The following CYP2C18 variants were observed in gnomAD, a reference collection of about 807,000 sequenced individuals.
CYP2C18 encodes the protein cytochrome P450 2C18.
A neutral mutation model predicts 41.3 loss-of-function variants in CYP2C18; 38 were observed. The observed-to-expected ratio is 0.92, with a 90% CI of 0.71 to 1.21. The LOEUF is 1.21. CYP2C18 is among the 50% of genes most tolerant of loss of function. The probability of loss-of-function intolerance (pLI) is 0.00; values close to 1 mark genes in which losing one functional copy is unlikely to be tolerated. For missense variants in CYP2C18, 635 were observed against 591.4 expected (o/e 1.07, Z -0.77); for synonymous variants, 236 against 210.0 (o/e 1.12, Z -1.07).
At chr10:94,703,349 C>T (rs983761853) in intron 4 of CYP2C18, among the ~76,000 whole-genome samples, 2 of 152,216 alleles carry the variant, frequency 1.3e-5, no homozygotes, top group African/African-American at 4.8e-5. Flanking sequence ...ACCCCTTCCT[C>T]CAGGTGCTCT....
chr10:94,724,475 C>A lies in CYP2C18; in HGVS notation c.1091C>A (p.Thr364Asn). 6.2e-7 allele frequency: 1 copy of A among 1,613,650 alleles called. No homozygotes were observed. The highest frequency in any genetic ancestry group is 2.2e-5 in the East Asian group (1 of 44,842). ...CAGAGATACATTGACCTCCTCCCCA[C>A]CAACCTGCCCCATGCAGTGACCTGT... is the stretch of plus-strand genomic sequence containing the variant. ...EIQRYIDLLP[T>N]NLPHAVTCDV... The change falls in exon 7 of 9, where the codon ACC (threonine) becomes AAC (asparagine). Residue 364 changes from threonine to asparagine, a missense_variant. Coordinates refer to ENST00000285979, the MANE Select transcript of CYP2C18 (RefSeq NM_000772.3).
intron 4 of CYP2C18, among the ~76,000 whole-genome samples, chr10:94,699,741 C>A (rs903564814): frequency 6.6e-6 from 1 of 152,106 alleles, no homozygotes; most frequent in Non-Finnish European, 1.5e-5. Flanking sequence ...TTGTCTCAGC[C>A]CAAAATCTCC....
intron 8 of CYP2C18, among the ~76,000 whole-genome samples, chr10:94,734,916 C>G (rs1398866477): frequency 6.6e-6 from 1 of 152,158 alleles, no homozygotes; most frequent in African/African-American, 2.4e-5. Flanking sequence ...TATGAGCCTT[C>G]TCTTTTCAGC....
intron 3 of CYP2C18, 49 bp downstream of exon 3, chr10:94,688,323 A>T (rs1846933955): frequency 6.4e-7 from 1 of 1,550,510 alleles, no homozygotes; most frequent in South Asian, 1.2e-5. Context: ...AATTTATTTT[A>T]ATTTATTTTT....
chr10:94,710,854 G>T (rs543882732), intron 5 of CYP2C18, among the ~76,000 whole-genome samples: 1 of 152,252 alleles, frequency 6.6e-6, no homozygotes, highest in African/African-American at 2.4e-5. Context: ...GATTATAACA[G>T]CCTTATTAAA....
At chr10:94,709,987 T>G (rs980671221) in intron 5 of CYP2C18, among the ~76,000 whole-genome samples, 2 of 150,102 alleles carry the variant, frequency 1.3e-5, no homozygotes, top group Admixed American at 1.3e-4. Context: ...TGACAGTACT[T>G]TTTTTTTTTG....
intron 5 of CYP2C18, among the ~76,000 whole-genome samples, chr10:94,709,811 G>T (rs1269459633): frequency 6.6e-6 from 1 of 151,630 alleles, no homozygotes. Context: ...TTCATTCTTT[G>T]CATGTGCATT....
chr10:94,720,406 A>C lies in CYP2C18; in HGVS notation c.830A>C (p.Asn277Thr), dbSNP rs771321668. ...GAAATAATTTTTTAGGAAAAGCACA[A>C]TCAACAGTCTGAATTTACTGTTGAA... ...FLIKMEQEKH[N>T]QQSEFTVESL... The change falls in exon 6 of 9, where the codon AAT becomes ACT. Residue 277 changes from asparagine (N) to threonine (T), a missense_variant. By Grantham distance (65) the Asn-to-Thr change is moderately conservative. Transcript: ENST00000285979. 5.0e-6 allele frequency: 8 copies of C among 1,606,992 alleles called. No individual in the cohort carries two copies. In the East Asian group the frequency reaches 1.1e-4, roughly 22 times the overall value.
At chr10:94,696,324 A>G (rs981760068) in intron 4 of CYP2C18, among the ~76,000 whole-genome samples, 2 of 152,194 alleles carry the variant, frequency 1.3e-5, no homozygotes, top group South Asian at 2.1e-4. Context: ...GCTGTTCACC[A>G]ATATCTGCTA....
chr10:94,701,794 C>G (rs1322085144), intron 4 of CYP2C18, among the ~76,000 whole-genome samples: 1 of 152,004 alleles, frequency 6.6e-6, no homozygotes, highest in Non-Finnish European at 1.5e-5. Context: ...ATGAGCCTGA[C>G]CTAAACAGCA....
At chr10:94,700,227 A>G (rs1026891568) in intron 4 of CYP2C18, among the ~76,000 whole-genome samples, 7 of 152,214 alleles carry the variant, frequency 4.6e-5, no homozygotes, top group African/African-American at 1.7e-4. Context: ...ACTTCAAACT[A>G]TACTACAAGG....
At chr10:94,686,006 G>T (rs529621176) in intron 1 of CYP2C18, among the ~76,000 whole-genome samples, 1 of 151,970 alleles carries the variant, frequency 6.6e-6, no homozygotes, top group Non-Finnish European at 1.5e-5. Context: ...TCCACTATTA[G>T]TTTTTCCAAT....
At chr10:94,696,099 T>C (rs1257012380) in intron 4 of CYP2C18, among the ~76,000 whole-genome samples, 1 of 152,124 alleles carries the variant, frequency 6.6e-6, no homozygotes, top group Admixed American at 6.5e-5. Context: ...CTCTGCAGAC[T>C]TAAATGTCCC....
chr10:94,708,971 A>G (rs1054664478), intron 5 of CYP2C18, among the ~76,000 whole-genome samples: 6 of 152,042 alleles, frequency 3.9e-5, no homozygotes, highest in African/African-American at 7.2e-5. Flanking sequence ...ATTTCCATTC[A>G]TTAGTTGTTG....
At chr10:94,718,336 GT>G (rs893761214) in intron 5 of CYP2C18, among the ~76,000 whole-genome samples, 2 of 152,050 alleles carry the variant, frequency 1.3e-5, no homozygotes, top group Non-Finnish European at 2.9e-5. Flanking sequence ...AGTTCTAAGA[GT>G]TTTTTGGTGA....
chr10:94,726,707 A>AG (rs138162711), intron 7 of CYP2C18, among the ~76,000 whole-genome samples: 3,835 of 152,154 alleles, frequency 0.025, 144 homozygotes, highest in African/African-American at 0.075. Context: ...AACCTCTCTG[A>AG]GTTCCCCCAT....
chr10:94,716,124 C>A (rs550992854), intron 5 of CYP2C18, among the ~76,000 whole-genome samples: 17 of 152,074 alleles, frequency 1.1e-4, no homozygotes, highest in Admixed American at 2.6e-4. Context: ...TTGATCTTTT[C>A]AAAAAACCAG....
At chr10:94,692,758 C>T (rs1476964496) in intron 3 of CYP2C18, among the ~76,000 whole-genome samples, 1 of 152,120 alleles carries the variant, frequency 6.6e-6, no homozygotes, top group Non-Finnish European at 1.5e-5. Context: ...ATAACAAAGA[C>T]TTGGAACCAA....
chr10:94,704,052 G>T (rs1242560725), intron 4 of CYP2C18, among the ~76,000 whole-genome samples: 1 of 152,090 alleles, frequency 6.6e-6, no homozygotes, highest in Non-Finnish European at 1.5e-5. Flanking sequence ...GCCATCCGTG[G>T]GCTGCACCCA....
Sources: gnomAD v4.1 joint callset for allele counts (sites outside exome capture counted in the v4.1 genomes callset) on GRCh38, gnomAD v4.1.1 for gene constraint, MANE v1.5 for transcripts, NCBI Gene and HGNC (gene_info 2026-07-23, HGNC 2026-07-21) for gene names.